Variants in PRKAG2 observed in about 807,000 individuals in gnomAD.
The protein encoded by PRKAG2 is protein kinase AMP-activated non-catalytic subunit gamma 2.
In PRKAG2, 26 loss-of-function variants were observed where a neutral mutation model predicts 69.6. The ratio of observed to expected loss-of-function variants is 0.37; its 90% CI spans 0.27 to 0.52. The LOEUF is 0.52. PRKAG2 is among the 20% of genes least tolerant of loss of function. PRKAG2 has a pLI of 0.90. For missense variants in PRKAG2, 557 were observed against 740.0 expected, an observed-to-expected ratio of 0.75 and a Z score of 2.87; for synonymous variants, 293 against 285.0, an observed-to-expected ratio of 1.03 and a Z score of -0.28.
intron 5 of PRKAG2, among the ~76,000 whole-genome samples, chr7:151,605,557 C>T (rs576228583): frequency 1.3e-5 from 2 of 149,092 alleles, no homozygotes; most frequent in South Asian, 2.1e-4. Flanking sequence ...GGCAACATGG[C>T]GAAACCCCGT....
At chr7:151,574,518 G>A (rs1222445622) in intron 8 of PRKAG2, among the ~76,000 whole-genome samples, 1 of 152,176 alleles carries the variant, frequency 6.6e-6, no homozygotes, top group Non-Finnish European at 1.5e-5. Flanking sequence ...TTCTGCAATT[G>A]CTGGGGTAAC....
intron 4 of PRKAG2, among the ~76,000 whole-genome samples, chr7:151,660,436 G>A (rs1313652376): frequency 6.6e-6 from 1 of 152,154 alleles, no homozygotes; most frequent in Non-Finnish European, 1.5e-5. Context: ...TGCACGATTT[G>A]TATCCAAATA....
chr7:151,842,728 T>A (rs1245863825), intron 1 of PRKAG2, among the ~76,000 whole-genome samples: 1 of 149,258 alleles, frequency 6.7e-6, no homozygotes, highest in Non-Finnish European at 1.5e-5. Flanking sequence ...TAGTGATGGT[T>A]GTGATAGTAG....
chr7:151,618,453 C>CAAAATAAAATAAAATAAAATAAAAT lies in PRKAG2; in HGVS notation c.754+13591_754+13615dup, dbSNP rs540092141. On this transcript the variant is annotated intron_variant, in intron 5 of 15. Coordinates refer to ENST00000287878, the MANE Select transcript of PRKAG2 (RefSeq NM_016203.4). ...GGGCAATAAGAGCAAGACTCCGTCT[C>CAAAATAAAATAAAATAAAATAAAAT]AAAATAAAATAAAATAAAATAAAAT... Among the ~76,000 whole-genome samples the CAAAATAAAATAAAATAAAATAAAAT allele has an allele frequency of 6.2e-3, 918 of 148,644 alleles. 7 individuals carry two copies. The highest frequency in any genetic ancestry group is 0.022 in the African/African-American group (868 of 39,980).
intron 3 of PRKAG2, among the ~76,000 whole-genome samples, chr7:151,677,951 G>A (rs976434219): frequency 1.3e-5 from 2 of 152,110 alleles, no homozygotes; most frequent in Non-Finnish European, 1.5e-5. Flanking sequence ...TTCGGCAGAC[G>A]TTTTCCTTTT....
chr7:151,592,829 G>A (rs1043830092), intron 6 of PRKAG2, among the ~76,000 whole-genome samples: 1 of 152,166 alleles, frequency 6.6e-6, no homozygotes, highest in African/African-American at 2.4e-5. Context: ...GCTCTTGAGG[G>A]TGTGTCAATG....
Position 151,777,136 on chromosome 7 carries a change from C to T in PRKAG2, c.466+4016G>A, listed in dbSNP as rs1244130567. ...TGGAGGGGAGTCTGGGAGCTTCCTC[C>T]TGTGCAGACCACAGGCCCCAATGGA... is the stretch of plus-strand genomic sequence containing the variant. On this transcript the variant is annotated intron_variant, in intron 3 of 15. Transcript: ENST00000287878. This position sits in a 1 kb window ranked among gnomAD's most constrained non-coding sequence, Gnocchi z 4.3. Among the ~76,000 whole-genome samples the T allele has an allele frequency of 6.6e-6, 1 of 152,170 alleles. No individual in the cohort carries two copies. The highest frequency in any genetic ancestry group is 1.5e-5 in the Non-Finnish European group (1 of 68,012).
At chr7:151,799,614 C>T (rs1366005659) in intron 1 of PRKAG2, among the ~76,000 whole-genome samples, 1 of 152,202 alleles carries the variant, frequency 6.6e-6, no homozygotes, top group Non-Finnish European at 1.5e-5. Flanking sequence ...AGGCGGCAGC[C>T]GCTCCAGGAA....
chr7:151,564,850 C>T (rs1354709540), intron 13 of PRKAG2, among the ~76,000 whole-genome samples: 1 of 152,002 alleles, frequency 6.6e-6, no homozygotes, highest in Non-Finnish European at 1.5e-5. Flanking sequence ...GGGTTTGAGG[C>T]AGCTGCAGAA....
At chr7:151,844,959 G>A (rs552608111) in intron 1 of PRKAG2, among the ~76,000 whole-genome samples, 21 of 152,070 alleles carry the variant, frequency 1.4e-4, no homozygotes, top group Non-Finnish European at 2.9e-4. Context: ...CCTGGGACAC[G>A]GGGACGTCAC....
chr7:151,689,218 G>T (rs1482397331), intron 3 of PRKAG2, among the ~76,000 whole-genome samples: 1 of 152,180 alleles, frequency 6.6e-6, no homozygotes, highest in Non-Finnish European at 1.5e-5. Context: ...CACTGCTCAT[G>T]AACAGATCCC....
chr7:151,717,106 G>A lies in PRKAG2; in HGVS notation c.467-41469C>T, dbSNP rs182118377. Among the ~76,000 whole-genome samples, 310 of 152,258 alleles carry A rather than the reference G, an allele frequency of 2.0e-3. 2 individuals carry two copies. Among genetic ancestry groups the A allele is most frequent in the Admixed American group, 3.8e-3 (58 of 15,306 alleles). ...TACTAAAAGTATAAAAATTAGTCGAGTTGGGTGACGCATGCCTGTAATCCC... is the reference window on the plus strand; with the variant it reads ...TACTAAAAGTATAAAAATTAGTCGAATTGGGTGACGCATGCCTGTAATCCC... On this transcript the variant is annotated intron_variant, in intron 3 of 15. Coordinates refer to ENST00000287878, the MANE Select transcript of PRKAG2 (RefSeq NM_016203.4).
At chr7:151,822,472 T>G (rs1450944996) in intron 1 of PRKAG2, among the ~76,000 whole-genome samples, 1 of 152,202 alleles carries the variant, frequency 6.6e-6, no homozygotes, top group African/African-American at 2.4e-5. Flanking sequence ...GAAGACCCTC[T>G]GAGCCAGTCT....
Position 151,807,419 on chromosome 7 carries a change from A to T in PRKAG2, c.115-20878T>A. On this transcript the variant is annotated intron_variant, in intron 1 of 15. Transcript: ENST00000287878. This position sits in a 1 kb window ranked among gnomAD's most constrained non-coding sequence, Gnocchi z 4.4. Reference sequence around the variant, plus strand: ...CAGCTGTGCTGTGGGTGACGGTCATACTTTATTCTCTAAAACTCTCCAGTT... The same window carrying T: ...CAGCTGTGCTGTGGGTGACGGTCATTCTTTATTCTCTAAAACTCTCCAGTT... The T allele has an allele frequency of 2.2e-6, 1 of 457,840 alleles. No homozygotes were observed. Among genetic ancestry groups the T allele is most frequent in the Non-Finnish European group, 4.4e-6 (1 of 226,970 alleles). The allele number at this position is 457,840 out of a possible 1,614,324, so 28.4% of individuals were successfully genotyped here. A position where few individuals can be genotyped will look rare whatever the true frequency, so the allele number is the denominator to read the frequency against.
rs555470275 is a variant in PRKAG2, at chr7:151,675,660, G to A, written c.467-23C>T. On this transcript the variant is annotated intron_variant, in intron 3 of 15. Transcript: ENST00000287878. ...AGGCTGCAGAAGAAACACCAAGGAC[G>A]GTCAGAGGTCCGGCTTCCAGGAAGG... 2.0e-5 allele frequency: 32 copies of A among 1,591,112 alleles called. No homozygotes were observed. The East Asian group carries it at 4.7e-4, about 23-fold the overall frequency.
At chr7:151,640,242 G>A (rs530529071) in intron 4 of PRKAG2, among the ~76,000 whole-genome samples, 1 of 152,104 alleles carries the variant, frequency 6.6e-6, no homozygotes, top group Admixed American at 6.6e-5. Flanking sequence ...CCTGGGAGGC[G>A]GAGGTTGCAG....
intron 3 of PRKAG2, among the ~76,000 whole-genome samples, chr7:151,681,325 T>G (rs909438530): frequency 6.6e-6 from 1 of 152,186 alleles, no homozygotes; most frequent in African/African-American, 2.4e-5. Flanking sequence ...CTCCCATCTT[T>G]CCACCTGGCC....
At chr7:151,572,443 C>T in intron 9 of PRKAG2, 1 of 383,168 alleles carries the variant, frequency 2.6e-6, no homozygotes, top group Non-Finnish European at 4.8e-6. Context: ...GCCTTGCCTG[C>T]TGAAGGTGTC....
intron 5 of PRKAG2, among the ~76,000 whole-genome samples, chr7:151,617,291 G>GC (rs1317509040): frequency 6.1e-5 from 6 of 98,064 alleles, no homozygotes; most frequent in African/African-American, 2.4e-4. Flanking sequence ...AAAGAGGGAG[G>GC]GGGGGAGGGA....
Sources: allele counts gnomAD v4.1 joint callset (sites outside exome capture counted in the v4.1 genomes callset), GRCh38; gene constraint gnomAD v4.1.1; non-coding constraint Gnocchi (gnomAD v3.1); transcripts MANE v1.5; gene names NCBI Gene and HGNC (gene_info 2026-07-23, HGNC 2026-07-21).